The following CNOT4 variants were observed in gnomAD, a reference collection of about 807,000 sequenced individuals.
CNOT4 encodes the protein CCR4-associated factor 4.
Under a neutral mutation model 73.8 loss-of-function variants are expected in CNOT4, and 8 were observed. That is an observed-to-expected ratio of 0.11 (90% CI 0.06 to 0.20). The LOEUF is 0.20. Among genes scored for constraint, CNOT4 ranks in the 10% least tolerant of loss-of-function variants. The pLI is 1.00. For synonymous variants in CNOT4, 293 were observed against 321.1 expected, an observed-to-expected ratio of 0.91 and a Z score of 0.94; for missense variants, 564 against 883.4, an observed-to-expected ratio of 0.64 and a Z score of 4.58.
At chr7:135,415,941 T>G (rs1238888809) in intron 3 of CNOT4, among the ~76,000 whole-genome samples, 1 of 152,200 alleles carries the variant, frequency 6.6e-6, no homozygotes, top group Non-Finnish European at 1.5e-5. Context: ...TGGTTACTTC[T>G]TGGTGGTACC....
chr7:135,469,972 C>A (rs1032049450), intron 1 of CNOT4, among the ~76,000 whole-genome samples: 2 of 152,094 alleles, frequency 1.3e-5, no homozygotes, highest in Non-Finnish European at 2.9e-5. Flanking sequence ...GAGGCATGCA[C>A]CACTATGCCT....
intron 1 of CNOT4, among the ~76,000 whole-genome samples, chr7:135,478,328 C>A (rs1305023360): frequency 3.3e-5 from 5 of 152,034 alleles, no homozygotes; most frequent in Non-Finnish European, 5.9e-5. Context: ...ATGTATGTTA[C>A]AGTTATAGTG....
chr7:135,388,539 T>C, intron 10 of CNOT4: 1 of 1,065,746 alleles, frequency 9.4e-7, no homozygotes, highest in Non-Finnish European at 1.1e-6. Flanking sequence ...ACTACAAGTT[T>C]ATTTTTATGA....
At chr7:135,468,876 T>G (rs777686358) in intron 1 of CNOT4, among the ~76,000 whole-genome samples, 3 of 152,086 alleles carry the variant, frequency 2.0e-5, no homozygotes, top group Non-Finnish European at 2.9e-5. Context: ...ATATTTACCT[T>G]CCATCCAAGG....
intron 1 of CNOT4, among the ~76,000 whole-genome samples, chr7:135,491,001 T>TA (rs1803072166): frequency 1.3e-5 from 2 of 152,190 alleles, no homozygotes; most frequent in Admixed American, 6.6e-5. Flanking sequence ...GATAAGAAGA[T>TA]AAGACAGCAA....
chr7:135,485,757 C>A (rs1191505939), intron 1 of CNOT4, among the ~76,000 whole-genome samples: 1 of 152,104 alleles, frequency 6.6e-6, no homozygotes, highest in Non-Finnish European at 1.5e-5. Context: ...CAACCTAAAC[C>A]ACTTACTTTA....
At chr7:135,493,437 G>A (rs1803249244) in intron 1 of CNOT4, among the ~76,000 whole-genome samples, 1 of 152,178 alleles carries the variant, frequency 6.6e-6, no homozygotes, top group Non-Finnish European at 1.5e-5. Flanking sequence ...GCCAGGGGAA[G>A]CAGCATCCTC....
intron 2 of CNOT4, among the ~76,000 whole-genome samples, chr7:135,424,946 T>G (rs906569891): frequency 6.6e-6 from 1 of 152,252 alleles, no homozygotes. Flanking sequence ...GTTGACGCAC[T>G]GCCTTTTACC....
intron 4 of CNOT4, 145 bp downstream of exon 4, chr7:135,415,031 C>G: frequency 1.6e-6 from 1 of 620,718 alleles, no homozygotes; most frequent in Non-Finnish European, 2.9e-6. Flanking sequence ...CAAAAAATCC[C>G]CCACCCCACC....
chr7:135,445,260 A>G (rs1233825211), intron 1 of CNOT4, among the ~76,000 whole-genome samples: 1 of 152,202 alleles, frequency 6.6e-6, no homozygotes, highest in Non-Finnish European at 1.5e-5. Context: ...ATCCAGCTTT[A>G]TTACTATTAG....
Position 135,364,083 on chromosome 7 carries a change from C to CA in CNOT4, c.1628-18dup, listed in dbSNP as rs747415149. 3 of 1,490,608 alleles carry CA rather than the reference C, an allele frequency of 2.0e-6. No homozygotes were observed. Among genetic ancestry groups the CA allele is most frequent in the South Asian group, 1.3e-5 (1 of 78,954 alleles). The allele number at this position is 1,490,608 out of a possible 1,614,324, so 92.3% of individuals were successfully genotyped here. A position where few individuals can be genotyped will look rare whatever the true frequency, so the allele number is the denominator to read the frequency against. ...TGCTGTTGTCTGGGAGATTTACCAACAAAAAAATGAAAGATAAAAAAAAAT... is the reference window on the plus strand; with the variant it reads ...TGCTGTTGTCTGGGAGATTTACCAACAAAAAAAATGAAAGATAAAAAAAAAT... On this transcript the variant is annotated splice_polypyrimidine_tract_variant and intron_variant, in intron 10 of 11. Coordinates refer to ENST00000541284, the MANE Select transcript of CNOT4 (RefSeq NM_001190850.2). This position sits in a 1 kb window ranked among gnomAD's most constrained non-coding sequence, Gnocchi z 4.3.
chr7:135,508,507 A>G (rs1563090966), intron 1 of CNOT4, among the ~76,000 whole-genome samples: 1 of 152,182 alleles, frequency 6.6e-6, no homozygotes, highest in African/African-American at 2.4e-5. Context: ...AAAAATGTCG[A>G]TTTTTCTTTT....
intron 10 of CNOT4, among the ~76,000 whole-genome samples, chr7:135,370,843 C>A (rs1563009674): frequency 6.6e-6 from 1 of 152,136 alleles, no homozygotes; most frequent in Non-Finnish European, 1.5e-5. Context: ...GGCTTCTCTG[C>A]ATGTAAACTG....
intron 3 of CNOT4, among the ~76,000 whole-genome samples, chr7:135,419,952 T>C (rs569619277): frequency 6.6e-6 from 1 of 150,566 alleles, no homozygotes; most frequent in South Asian, 2.1e-4. Context: ...CCTCAGGTGG[T>C]GGAGACAGGA....
intron 3 of CNOT4, 50 bp downstream of exon 3, chr7:135,422,106 G>T: frequency 9.2e-7 from 1 of 1,089,096 alleles, no homozygotes; most frequent in Non-Finnish European, 1.4e-6. Context: ...TTCCAAGTAA[G>T]ACAAGGAAAC....
At chr7:135,487,468 A>G (rs1559536) in intron 1 of CNOT4, among the ~76,000 whole-genome samples, 46,063 of 151,744 alleles carry the variant, frequency 0.3, 7,240 homozygotes, top group East Asian at 0.52. Flanking sequence ...TGGAACTCCT[A>G]GGCTCAAGTG....
intron 1 of CNOT4, among the ~76,000 whole-genome samples, chr7:135,501,592 T>C (rs1311364507): frequency 6.6e-6 from 1 of 152,196 alleles, no homozygotes; most frequent in African/African-American, 2.4e-5. Flanking sequence ...TGCTGCACAC[T>C]ATTGAACGAG....
At chr7:135,431,252 G>C (rs905742171) in intron 2 of CNOT4, among the ~76,000 whole-genome samples, 7 of 152,178 alleles carry the variant, frequency 4.6e-5, no homozygotes, top group Non-Finnish European at 8.8e-5. Context: ...GGGCGAAAGA[G>C]CAAGACCTTG....
At chr7:135,376,485 A>G (rs891137955) in intron 10 of CNOT4, among the ~76,000 whole-genome samples, 25 of 152,190 alleles carry the variant, frequency 1.6e-4, no homozygotes, top group Non-Finnish European at 1.5e-5. Context: ...TAGCAATAAA[A>G]TATTTTTATT....
Sources: allele counts gnomAD v4.1 joint callset (sites outside exome capture counted in the v4.1 genomes callset), GRCh38; gene constraint gnomAD v4.1.1; non-coding constraint Gnocchi (gnomAD v3.1); transcripts MANE v1.5; gene names NCBI Gene and HGNC (gene_info 2026-07-23, HGNC 2026-07-21).